SLC30A9: variants seen among roughly 807,000 people sequenced by gnomAD.
The protein encoded by SLC30A9 is solute carrier family 30 member 9.
A neutral mutation model predicts 87.5 loss-of-function variants in SLC30A9; 58 were observed. That is an observed-to-expected ratio of 0.66 (90% CI 0.54 to 0.82). The LOEUF (loss-of-function observed/expected upper bound fraction) is 0.82. Among genes scored for constraint, SLC30A9 ranks in the 40% least tolerant of loss-of-function variants. The pLI, the probability that SLC30A9 is intolerant of heterozygous loss-of-function variation, is 0.00. For synonymous variants in SLC30A9, 234 were observed against 233.0 expected, an observed-to-expected ratio of 1.00 and a Z score of -0.04; for missense variants, 557 against 679.1, an observed-to-expected ratio of 0.82 and a Z score of 2.00.
chr4:42,021,758 G>T lies in SLC30A9; in HGVS notation c.435-1080G>T, dbSNP rs543650393. Among the ~76,000 whole-genome samples the T allele has an allele frequency of 2.5e-3, 371 of 149,568 alleles. 1 individual carries two copies. Among genetic ancestry groups the T allele is most frequent in the African/African-American group, 8.7e-3 (355 of 40,658 alleles). ...TTTCTTCTTTTCGTTTTTTTTGTTT[G>T]TTTTTTTTTGAGACAGGGTCTCACT... On this transcript the variant is annotated intron_variant, in intron 4 of 17. Coordinates refer to ENST00000264451, the MANE Select transcript of SLC30A9 (RefSeq NM_006345.4).
intron 9 of SLC30A9, among the ~76,000 whole-genome samples, chr4:42,054,264 A>G (rs1406144922): frequency 6.6e-6 from 1 of 152,102 alleles, no homozygotes; most frequent in Non-Finnish European, 1.5e-5. Context: ...AGATGGAGAC[A>G]GGAGAATCAC....
chr4:42,004,849 T>C (rs1715137239), intron 2 of SLC30A9, among the ~76,000 whole-genome samples: 1 of 152,030 alleles, frequency 6.6e-6, no homozygotes, highest in Non-Finnish European at 1.5e-5. Context: ...AGACAAGGTC[T>C]CCCTGTGTTG....
At chr4:42,029,845 T>C (rs1032866433) in intron 6 of SLC30A9, 1 of 721,184 alleles carries the variant, frequency 1.4e-6, no homozygotes, top group Non-Finnish European at 2.6e-6. Flanking sequence ...GTGTTTCCTG[T>C]TCAGTGCACT....
rs1174130288 is a variant in SLC30A9, at chr4:42,049,317, T to C, written c.738-60T>C. On this transcript the variant is annotated intron_variant, in intron 8 of 17. Coordinates refer to ENST00000264451, the MANE Select transcript of SLC30A9 (RefSeq NM_006345.4). Reference sequence around the variant, plus strand: ...GTAGAGATATACAGCTGATTGAGTATGCTTTTGGCTTAAATTTTTGTCCAA... The same window carrying C: ...GTAGAGATATACAGCTGATTGAGTACGCTTTTGGCTTAAATTTTTGTCCAA... The C allele has an allele frequency of 6.0e-6, 6 of 1,001,774 alleles. No homozygotes were observed. The Admixed American group carries it at 7.5e-5, about 13-fold the overall frequency. 62.1% of individuals were successfully genotyped at this position (1,001,774 alleles called of 1,614,324 possible).
Position 42,039,009 on chromosome 4 carries a change from G to A in SLC30A9, c.693G>A (p.Val231=). Residue 231 remains valine, a synonymous_variant, in exon 8 of 18, where the codon GTG becomes GTA. Coordinates refer to ENST00000264451, the MANE Select transcript of SLC30A9 (RefSeq NM_006345.4). ...AGCCACGCTCCAGAACAGCATCAGT[G>A]TTTTTTAAGGGACCAGGAAAAGTGG... ...NTKPRSRTAS[V]FFKGPGKVVM... 1.2e-6 allele frequency: 2 copies of A among 1,613,760 alleles called. No homozygotes were observed. The highest frequency in any genetic ancestry group is 1.7e-6 in the Non-Finnish European group (2 of 1,179,774).
chr4:42,089,126 T>C lies in SLC30A9; in HGVS notation c.*3000T>C, dbSNP rs1251538046. ...AGGAGAATAATTACAAAAATAATACTGGACAGAGGAGGGGCAGTCAAGGGT... is the reference window on the plus strand; with the variant it reads ...AGGAGAATAATTACAAAAATAATACCGGACAGAGGAGGGGCAGTCAAGGGT... On this transcript the variant is annotated 3_prime_UTR_variant, in exon 18 of 18. Transcript: ENST00000264451. 1.3e-5 allele frequency: 2 copies of C among 152,212 alleles called. No homozygotes were observed. Among genetic ancestry groups the C allele is most frequent in the Non-Finnish European group, 2.9e-5 (2 of 68,044 alleles). The allele number at this position is 152,212 out of a possible 1,614,324, so 9.4% of individuals were successfully genotyped here.
intron 2 of SLC30A9, among the ~76,000 whole-genome samples, chr4:42,002,861 A>G (rs1352372589): frequency 6.6e-6 from 1 of 152,102 alleles, no homozygotes; most frequent in Non-Finnish European, 1.5e-5. Context: ...ACTAACTTAC[A>G]TTCCCACCAG....
At chr4:41,994,272 AGTTT>A (rs929447803) in intron 1 of SLC30A9, among the ~76,000 whole-genome samples, 1 of 152,178 alleles carries the variant, frequency 6.6e-6, no homozygotes, top group African/African-American at 2.4e-5. Flanking sequence ...ATTAACAGTG[AGTTT>A]GTCTAAAAAT....
chr4:42,056,130 G>A (rs573650571), intron 9 of SLC30A9, among the ~76,000 whole-genome samples: 32 of 151,324 alleles, frequency 2.1e-4, no homozygotes, highest in Non-Finnish European at 3.5e-4. Context: ...AATAGTTGAC[G>A]GTATCTCACA....
Position 42,022,904 on chromosome 4 carries a change from A to G in SLC30A9, c.501A>G (p.Val167=). ...ATGAAGATACTGAGTCTTTTACTGTATACTTGAGATCAGATGTGGAAGCAA... is the reference window on the plus strand; with the variant it reads ...ATGAAGATACTGAGTCTTTTACTGTGTACTTGAGATCAGATGTGGAAGCAA... ...SPHEDTESFT[V]YLRSDVEAKS... Residue 167 remains valine (V), a synonymous_variant, in exon 5 of 18, where the codon GTA becomes GTG. Coordinates refer to ENST00000264451, the MANE Select transcript of SLC30A9 (RefSeq NM_006345.4). The G allele has an allele frequency of 6.3e-7, 1 of 1,589,226 alleles. No homozygotes were observed. The highest frequency in any genetic ancestry group is 1.7e-5 in the Admixed American group (1 of 57,864).
chr4:42,017,993 A>G (rs1446373838), intron 2 of SLC30A9, 118 bp from the exon 3 acceptor site: 1 of 603,244 alleles, frequency 1.7e-6, no homozygotes, highest in Non-Finnish European at 3.0e-6. Context: ...TGAATCCAAC[A>G]TGGTCTGATA....
intron 8 of SLC30A9, among the ~76,000 whole-genome samples, chr4:42,043,536 A>C (rs1034059418): frequency 6.6e-6 from 1 of 152,194 alleles, no homozygotes; most frequent in Non-Finnish European, 1.5e-5. Flanking sequence ...ATGAAAAAGA[A>C]TGAACAAAGC....
intron 17 of SLC30A9, among the ~76,000 whole-genome samples, chr4:42,083,376 T>A (rs1718808536): frequency 2.0e-5 from 3 of 152,176 alleles, no homozygotes; most frequent in South Asian, 2.1e-4. Flanking sequence ...TGGGTGAAAA[T>A]TTTAAATTGG....
chr4:42,004,881 T>A (rs1166289244), intron 2 of SLC30A9, among the ~76,000 whole-genome samples: 3 of 152,044 alleles, frequency 2.0e-5, no homozygotes, highest in Non-Finnish European at 4.4e-5. Context: ...CTTGAACTCC[T>A]GGGCTCAAGC....
In SLC30A9 at chr4:41,999,734, A is replaced by G. The variant is rs73810468; in HGVS notation, c.110-1882A>G. Among the ~76,000 whole-genome samples the G allele has an allele frequency of 9.6e-3, 1,460 of 152,268 alleles. 27 individuals are homozygous for G. The highest frequency in any genetic ancestry group is 0.034 in the African/African-American group (1,399 of 41,570). On this transcript the variant is annotated intron_variant, in intron 1 of 17. Coordinates refer to ENST00000264451, the MANE Select transcript of SLC30A9 (RefSeq NM_006345.4). ...TAAAAGAGACTTAAAAGACATCTCA[A>G]TTAGTCCCAATATGTGGACTTTATC...
At chr4:42,020,203 T>C (rs537360931) in intron 3 of SLC30A9, among the ~76,000 whole-genome samples, 1 of 152,328 alleles carries the variant, frequency 6.6e-6, no homozygotes, top group Non-Finnish European at 1.5e-5. Context: ...TGGGATCAGT[T>C]ATAGATGACA....
Position 42,020,436 on chromosome 4 carries a change from A to T in SLC30A9, c.355A>T (p.Arg119Trp). 6.4e-7 allele frequency: 1 copy of T among 1,558,028 alleles called. No individual in the cohort carries two copies. The highest frequency in any genetic ancestry group is 2.3e-5 in the East Asian group (1 of 43,982). ...QVRVKAVLKK[R>W]EYGSKYTQNN... ...TTTAGTTAAAGCAGTCCTTAAGAAA[A>T]GGGAGTATGGCTCAAAGTACACTCA... is the stretch of plus-strand genomic sequence containing the variant. The change falls in exon 4 of 18, where the codon AGG (arginine) becomes TGG (tryptophan). Residue 119 changes from arginine (R) to tryptophan (W), a missense_variant. Around this residue, in one of 2 missense-constraint regions of SLC30A9, gnomAD observed 467 missense variants for 529.8 expected, o/e 0.88. Transcript: ENST00000264451.
intron 3 of SLC30A9, among the ~76,000 whole-genome samples, chr4:42,020,019 C>G (rs1037655528): frequency 6.6e-6 from 1 of 151,994 alleles, no homozygotes; most frequent in Non-Finnish European, 1.5e-5. Flanking sequence ...AGGCTGGTCT[C>G]AAACTCTTGA....
chr4:42,002,058 A>G (rs1298049411), intron 2 of SLC30A9, among the ~76,000 whole-genome samples: 2 of 151,996 alleles, frequency 1.3e-5, no homozygotes, highest in African/African-American at 4.8e-5. Context: ...TCCCAATAGC[A>G]TATGTAGTTA....
Sources: allele counts gnomAD v4.1 joint callset (sites outside exome capture counted in the v4.1 genomes callset), GRCh38; gene constraint gnomAD v4.1.1; regional missense constraint gnomAD v4.1.1; transcripts MANE v1.5; gene names NCBI Gene and HGNC (gene_info 2026-07-23, HGNC 2026-07-21).